Variants in DEPTOR observed in about 807,000 individuals in gnomAD.
The protein encoded by DEPTOR is DEP domain containing MTOR interacting protein, also known as DEP domain-containing mTOR-interacting protein.
Under a neutral mutation model 41.6 loss-of-function variants are expected in DEPTOR, and 41 were observed. The observed-to-expected ratio is 0.98, with a 90% CI of 0.77 to 1.28. DEPTOR has a LOEUF of 1.28. DEPTOR is among the 50% of genes most tolerant of loss of function. DEPTOR has a pLI of 0.00. For synonymous variants in DEPTOR, 195 were observed against 192.3 expected (o/e 1.01, Z -0.12); for missense variants, 514 against 527.9 (o/e 0.97, Z 0.26).
chr8:119,918,988 C>T (rs1307569330), intron 1 of DEPTOR, among the ~76,000 whole-genome samples: 1 of 137,758 alleles, frequency 7.3e-6, no homozygotes, highest in Non-Finnish European at 1.6e-5. Flanking sequence ...TGTGTGTTGT[C>T]CAAGACCAAT....
chr8:119,909,133 T>C (rs1827705275), intron 1 of DEPTOR, among the ~76,000 whole-genome samples: 1 of 152,138 alleles, frequency 6.6e-6, no homozygotes, highest in Non-Finnish European at 1.5e-5. Flanking sequence ...GGTGCAGTAG[T>C]GTGATTATAT....
intron 8 of DEPTOR, among the ~76,000 whole-genome samples, chr8:120,033,181 G>T (rs370358959): frequency 2.7e-5 from 4 of 148,972 alleles, no homozygotes; most frequent in Non-Finnish European, 5.9e-5. Context: ...TCTGCCTCCC[G>T]GGTTCAAGCA....
chr8:119,915,062 G>T (rs555578736), intron 1 of DEPTOR, among the ~76,000 whole-genome samples: 13 of 152,190 alleles, frequency 8.5e-5, no homozygotes, highest in African/African-American at 3.1e-4. Flanking sequence ...TGCCTCCTGG[G>T]TTTAAGCAAT....
At position 120,049,690 on chromosome 8, in the gene DEPTOR, G is replaced by A. The variant is rs145475640; in HGVS notation, c.1216G>A (p.Glu406Lys). Residue 406 changes from glutamate (E) to lysine (K), a missense_variant, in exon 9 of 9, where the codon GAG becomes AAG. Coordinates refer to ENST00000286234, the MANE Select transcript of DEPTOR (RefSeq NM_022783.4). ...GACGATTGTCATGGAAGTCATGGAG[G>A]AGTTAGAGTGCTGAGCTCCTGGGCC... ...PRTIVMEVME[E>K]LEC The A allele has an allele frequency of 2.5e-4, 405 of 1,613,932 alleles. 2 individuals carry two copies. The East Asian group carries it at 8.9e-3, about 36-fold the overall frequency.
At chr8:119,934,057 T>G (rs1828078976) in intron 3 of DEPTOR, among the ~76,000 whole-genome samples, 1 of 152,084 alleles carries the variant, frequency 6.6e-6, no homozygotes, top group African/African-American at 2.4e-5. Context: ...TTTTTTGTAT[T>G]TTTAATAGAG....
Position 119,991,088 on chromosome 8 carries a change from TTTTCTTTCTTTC to T in DEPTOR, c.605-10417_605-10406del, listed in dbSNP as rs1206272230. Among the ~76,000 whole-genome samples the T allele has an allele frequency of 1.1e-3, 49 of 45,822 alleles. 1 individual carries two copies. The highest frequency in any genetic ancestry group is 3.0e-3 in the African/African-American group (45 of 14,948). 30.1% of individuals were successfully genotyped at this position (45,822 alleles called of 152,430 possible). On this transcript the variant is annotated intron_variant, in intron 4 of 8. Transcript: ENST00000286234. ...TTTCTTTCTTTCTTTCTTTCTTTCT[TTTTCTTTCTTTC>T]TTTCTTTCTTTCTTTCTTTTTTTTT...
chr8:119,917,036 C>T (rs770350436), intron 1 of DEPTOR, among the ~76,000 whole-genome samples: 1 of 152,158 alleles, frequency 6.6e-6, no homozygotes, highest in Non-Finnish European at 1.5e-5. Context: ...CTCCAAAGTG[C>T]TGGGATTATA....
chr8:120,026,508 A>G (rs1464021585), intron 8 of DEPTOR, among the ~76,000 whole-genome samples: 5 of 151,832 alleles, frequency 3.3e-5, no homozygotes, highest in African/African-American at 1.2e-4. Flanking sequence ...ATGCCTGGCT[A>G]ATTTTTGTAT....
At chr8:119,884,043 C>A (rs1305875993) in intron 1 of DEPTOR, among the ~76,000 whole-genome samples, 4 of 152,170 alleles carry the variant, frequency 2.6e-5, no homozygotes, top group Non-Finnish European at 5.9e-5. Flanking sequence ...TTGCATGCCA[C>A]CCTCGTTTCA....
intron 1 of DEPTOR, among the ~76,000 whole-genome samples, chr8:119,897,144 A>G (rs191046540): frequency 4.6e-5 from 7 of 152,352 alleles, no homozygotes; most frequent in African/African-American, 1.2e-4. Context: ...AAGAGTTTCT[A>G]TGACATGAAA....
At chr8:119,927,450 G>A (rs1351241442) in intron 1 of DEPTOR, among the ~76,000 whole-genome samples, 1 of 151,688 alleles carries the variant, frequency 6.6e-6, no homozygotes, top group East Asian at 1.9e-4. Context: ...TCTCTCTTTT[G>A]TCTCTATCCC....
At chr8:119,980,587 G>T (rs143987639) in intron 4 of DEPTOR, among the ~76,000 whole-genome samples, 1 of 147,736 alleles carries the variant, frequency 6.8e-6, no homozygotes, top group Non-Finnish European at 1.5e-5. Flanking sequence ...GTACAATCTC[G>T]GCTCACTGCA....
At chr8:119,952,171 G>GA (rs1342567484) in intron 3 of DEPTOR, among the ~76,000 whole-genome samples, 3 of 150,850 alleles carry the variant, frequency 2.0e-5, no homozygotes, top group East Asian at 1.9e-4. Flanking sequence ...TTCTTTAAAA[G>GA]AAAAAAAAAG....
intron 4 of DEPTOR, among the ~76,000 whole-genome samples, chr8:119,966,595 A>T (rs1182871812): frequency 6.6e-6 from 1 of 151,582 alleles, no homozygotes; most frequent in African/African-American, 2.4e-5. Context: ...AGTGATTCTC[A>T]TGCCTCAGCC....
chr8:119,893,549 C>T (rs1246266491), intron 1 of DEPTOR, among the ~76,000 whole-genome samples: 1 of 152,182 alleles, frequency 6.6e-6, no homozygotes, highest in Non-Finnish European at 1.5e-5. Context: ...CTCTCCTAGG[C>T]CAGGCCTGGT....
At chr8:120,020,843 G>A (rs538887887) in intron 8 of DEPTOR, among the ~76,000 whole-genome samples, 172 of 152,234 alleles carry the variant, frequency 1.1e-3, no homozygotes, top group Non-Finnish European at 2.2e-3. Flanking sequence ...TGGATTACTA[G>A]AGGTCAAGAG....
At chr8:119,935,999 G>GTTTTTTTTTTTTTTTTTTTTTT in intron 3 of DEPTOR, among the ~76,000 whole-genome samples, 1 of 123,876 alleles carries the variant, frequency 8.1e-6, no homozygotes, top group Non-Finnish European at 1.6e-5. Flanking sequence ...TAGTCTAGTT[G>GTTTTTTTTTTTTTTTTTTTTTT]TTTTTTTTTT....
intron 8 of DEPTOR, among the ~76,000 whole-genome samples, chr8:120,035,595 A>G (rs1323383088): frequency 6.6e-6 from 1 of 152,084 alleles, no homozygotes; most frequent in Non-Finnish European, 1.5e-5. Context: ...GCAGTGGTGC[A>G]ATCTTGGTTC....
At chr8:119,958,492 T>C (rs1455261657) in intron 3 of DEPTOR, among the ~76,000 whole-genome samples, 1 of 151,846 alleles carries the variant, frequency 6.6e-6, no homozygotes, top group East Asian at 2.0e-4. Context: ...ACCTTAGAAG[T>C]TGCATAACGT....
Sources: allele counts gnomAD v4.1 joint callset (sites outside exome capture counted in the v4.1 genomes callset), GRCh38; gene constraint gnomAD v4.1.1; transcripts MANE v1.5; gene names NCBI Gene and HGNC (gene_info 2026-07-23, HGNC 2026-07-21).